Variants in DNAH3 observed in about 807,000 individuals in gnomAD.
DNAH3 encodes axonemal beta dynein heavy chain 3.
In DNAH3, 332 loss-of-function variants were observed where a neutral mutation model predicts 432.5. That is an observed-to-expected ratio of 0.77 (90% CI 0.70 to 0.84). The LOEUF (loss-of-function observed/expected upper bound fraction) is 0.84, where lower values mean the gene tolerates loss of function less well. Among genes scored for constraint, DNAH3 ranks in the 40% least tolerant of loss-of-function variants. The pLI is 0.00. For synonymous variants in DNAH3, 1,956 were observed against 1,900.2 expected (o/e 1.03, Z -0.76); for missense variants, 4,861 against 5,114.0 (o/e 0.95, Z 1.51).
At chr16:21,104,130 C>T (rs1032116489) in intron 16 of DNAH3, 1 of 220,772 alleles carries the variant, frequency 4.5e-6, no homozygotes, top group Admixed American at 5.3e-5. Context: ...TCTTACAGAT[C>T]TGTGGTCTCC....
At chr16:21,019,836 T>A in exon 41 of DNAH3, 1 of 1,614,028 alleles carries the variant, frequency 6.2e-7, no homozygotes. Flanking sequence ...TTCACCTAAT[T>A]CCATTTCCTC....
intron 20 of DNAH3, among the ~76,000 whole-genome samples, chr16:21,076,399 C>G (rs1303238358): frequency 6.6e-6 from 1 of 152,170 alleles, no homozygotes; most frequent in Non-Finnish European, 1.5e-5. Context: ...AATTATGAGA[C>G]AATAAATTTC....
intron 41 of DNAH3, among the ~76,000 whole-genome samples, chr16:21,003,989 C>T (rs901610964): frequency 4.6e-5 from 7 of 152,000 alleles, no homozygotes; most frequent in African/African-American, 7.3e-5. Flanking sequence ...TTTAAAATAA[C>T]TATGTTAAAG....
intron 29 of DNAH3, 93 bp from the exon 30 acceptor site, chr16:21,050,111 G>C (rs182143710): frequency 3.3e-5 from 31 of 937,350 alleles, no homozygotes; most frequent in East Asian, 2.5e-4. Context: ...CAAATATTTA[G>C]GTTAGTGCAA....
intron 51 of DNAH3, among the ~76,000 whole-genome samples, chr16:20,970,863 CT>C (rs869203073): frequency 0.2 from 25,177 of 123,716 alleles, 1,629 homozygotes; most frequent in Admixed American, 0.24. Flanking sequence ...TTTCTCTATT[CT>C]TTTTTTTTTT....
chr16:21,009,081 G>A (rs1318255391), intron 41 of DNAH3, among the ~76,000 whole-genome samples: 1 of 152,116 alleles, frequency 6.6e-6, no homozygotes. Context: ...CCATTTCTGG[G>A]AATTTATCAT....
chr16:20,989,124 C>T (rs866693720), intron 44 of DNAH3, among the ~76,000 whole-genome samples: 2 of 152,316 alleles, frequency 1.3e-5, no homozygotes, highest in Admixed American at 6.5e-5. Context: ...CCACTGCTGG[C>T]TCGGGCAGCC....
chr16:21,137,861 G>A (rs1939938269), intron 5 of DNAH3, among the ~76,000 whole-genome samples: 2 of 152,252 alleles, frequency 1.3e-5, no homozygotes, highest in Non-Finnish European at 2.9e-5. Context: ...GCTGCTGGAT[G>A]GCTGAGTGGC....
chr16:21,125,114 G>T, intron 9 of DNAH3, 61 bp downstream of exon 10: 2 of 1,425,326 alleles, frequency 1.4e-6, no homozygotes, highest in Non-Finnish European at 1.9e-6. Context: ...CAGAGTCCTG[G>T]CTCTAACCAA....
intron 20 of DNAH3, among the ~76,000 whole-genome samples, chr16:21,080,646 T>C (rs1210683038): frequency 6.6e-6 from 1 of 152,124 alleles, no homozygotes; most frequent in African/African-American, 2.4e-5. Context: ...AGAATTTGAT[T>C]ATGTGGGTTG....
At chr16:20,988,201 T>C in intron 44 of DNAH3, 136 bp from the exon 45 acceptor site, 4 of 962,244 alleles carry the variant, frequency 4.2e-6, no homozygotes, top group Non-Finnish European at 4.6e-6. Flanking sequence ...TATGGCAACC[T>C]CTAGCCACCT....
chr16:21,157,571 C>G (rs2092907431), intron 1 of DNAH3, among the ~76,000 whole-genome samples: 1 of 152,044 alleles, frequency 6.6e-6, no homozygotes, highest in Non-Finnish European at 1.5e-5. Flanking sequence ...CTCAAGTGAT[C>G]TGCCCACCTC....
intron 1 of DNAH3, among the ~76,000 whole-genome samples, chr16:21,153,377 ACT>A (rs1567886450): frequency 1.3e-5 from 2 of 151,496 alleles, no homozygotes; most frequent in Non-Finnish European, 2.9e-5. Context: ...TTGTGTGGAC[ACT>A]CTGTGTCTAG....
At chr16:20,985,302 G>A (rs762915039) in exon 48 of DNAH3, 69 of 1,614,078 alleles carry the variant, frequency 4.3e-5, no homozygotes, top group East Asian at 2.2e-5. Context: ...TGGCCACACC[G>A]ACCTGCAGTA....
chr16:20,963,181 A>C, intron 53 of DNAH3, 103 bp downstream of exon 53: 1 of 1,195,826 alleles, frequency 8.4e-7, no homozygotes, highest in Non-Finnish European at 1.2e-6. Context: ...CCTGGCCTTC[A>C]AAGCCATCTG....
At chr16:21,039,905 G>A (rs144659408) in exon 33 of DNAH3, 57 of 1,613,544 alleles carry the variant, frequency 3.5e-5, no homozygotes, top group Non-Finnish European at 4.2e-5. Flanking sequence ...CAATGAGGGC[G>A]TAATCTGGGA....
intron 11 of DNAH3, among the ~76,000 whole-genome samples, chr16:21,118,331 G>T (rs2092255862): frequency 6.6e-6 from 1 of 152,168 alleles, no homozygotes; most frequent in Non-Finnish European, 1.5e-5. Flanking sequence ...AAGAAGAGAT[G>T]TACTAGATTC....
exon 51 of DNAH3, chr16:20,975,266 G>A (rs2152647477): frequency 1.2e-6 from 2 of 1,613,852 alleles, no homozygotes; most frequent in Non-Finnish European, 1.7e-6. Context: ...CAGCAACATT[G>A]GCTTCTTTTT....
chr16:21,051,549 T>C (rs996368265), intron 29 of DNAH3, 121 bp downstream of exon 29: 1 of 988,382 alleles, frequency 1.0e-6, no homozygotes, highest in Non-Finnish European at 1.5e-6. Context: ...CTATGGAGAA[T>C]CTAATAATCT....
Sources: gnomAD v4.1 joint callset for allele counts (sites outside exome capture counted in the v4.1 genomes callset) on GRCh38, gnomAD v4.1.1 for gene constraint, MANE v1.5 for transcripts, NCBI Gene and HGNC (gene_info 2026-07-23, HGNC 2026-07-21) for gene names.